KLF12: variants seen among roughly 807,000 people sequenced by gnomAD.
KLF12 encodes Krueppel-like factor 12.
A neutral mutation model predicts 37.8 loss-of-function variants in KLF12; 9 were observed. That is an observed-to-expected ratio of 0.24 (90% CI 0.14 to 0.42). The LOEUF (loss-of-function observed/expected upper bound fraction) is 0.42. KLF12 is among the 10% of genes least tolerant of loss of function. KLF12 has a pLI of 1.00. For synonymous variants in KLF12, 208 were observed against 202.1 expected (o/e 1.03, Z -0.25); for missense variants, 411 against 516.0 (o/e 0.80, Z 1.97).
the KLF12 span, among the ~76,000 whole-genome samples, chr13:74,232,891 A>ATTT: frequency 7.1e-6 from 1 of 141,288 alleles, no homozygotes; most frequent in Non-Finnish European, 1.5e-5. Context: ...ATTTATTATT[A>ATTT]TTATTATTTT....
At chr13:74,018,973 C>A (rs1290995708) in intron 1 of KLF12, among the ~76,000 whole-genome samples, 2 of 152,132 alleles carry the variant, frequency 1.3e-5, no homozygotes, top group Non-Finnish European at 1.5e-5. Context: ...CGATATCAGG[C>A]ATGCTTTATT....
In KLF12 at chr13:73,691,628, T is replaced by C. The variant is rs2137525144; in HGVS notation, c.*3862A>G. The C allele has an allele frequency of 6.5e-6, 1 of 152,752 alleles. No individual in the cohort carries two copies. Among genetic ancestry groups the C allele is most frequent in the Middle Eastern group, 3.4e-3 (1 of 294 alleles). 9.5% of individuals were successfully genotyped at this position (152,752 alleles called of 1,614,324 possible). ...TTTAGAACAACATCATGGCTACATT[T>C]CTAAGCAGTCATAACAACATAACAA... On this transcript the variant is annotated 3_prime_UTR_variant, in exon 8 of 8. Transcript: ENST00000377669.
intron 6 of KLF12, among the ~76,000 whole-genome samples, chr13:73,764,211 G>GT (rs1329712282): frequency 7.2e-5 from 11 of 151,750 alleles, no homozygotes; most frequent in Non-Finnish European, 1.3e-4. Flanking sequence ...TTTCTTTTTA[G>GT]TTTTTCTTTT....
intron 1 of KLF12, among the ~76,000 whole-genome samples, chr13:74,128,903 T>C (rs1448675775): frequency 6.6e-6 from 1 of 152,168 alleles, no homozygotes; most frequent in Non-Finnish European, 1.5e-5. Flanking sequence ...CTTGCTCTTG[T>C]GTATGGTGTG....
At chr13:74,208,036 A>G in the KLF12 span, among the ~76,000 whole-genome samples, 4 of 152,232 alleles carry the variant, frequency 2.6e-5, no homozygotes, top group South Asian at 8.3e-4. Context: ...AGGATGAAGA[A>G]TTTACAGAAT....
chr13:73,842,738 TTGCTCATGCATAC>T (rs1884805623), intron 4 of KLF12, among the ~76,000 whole-genome samples: 1 of 152,230 alleles, frequency 6.6e-6, no homozygotes, highest in African/African-American at 2.4e-5. Flanking sequence ...GTATTTTCCT[TTGCTCATGCATAC>T]CAGAAATACA....
intron 1 of KLF12, among the ~76,000 whole-genome samples, chr13:74,013,012 A>G (rs1892589222): frequency 6.6e-6 from 1 of 152,236 alleles, no homozygotes; most frequent in Non-Finnish European, 1.5e-5. Flanking sequence ...TAGAAAGAAT[A>G]CCCGCCTGGT....
At chr13:74,040,193 C>T (rs1893363887) in intron 1 of KLF12, among the ~76,000 whole-genome samples, 1 of 152,166 alleles carries the variant, frequency 6.6e-6, no homozygotes, top group South Asian at 2.1e-4. Flanking sequence ...TAGCCACAGA[C>T]TAAGGGAAAA....
At chr13:73,853,912 A>G (rs1218360711) in intron 3 of KLF12, among the ~76,000 whole-genome samples, 1 of 152,224 alleles carries the variant, frequency 6.6e-6, no homozygotes. Context: ...AGCTTGGAAT[A>G]TGGTGCTCAA....
the KLF12 span, among the ~76,000 whole-genome samples, chr13:74,296,499 T>A: frequency 1.3e-5 from 2 of 152,048 alleles, no homozygotes; most frequent in African/African-American, 4.8e-5. Context: ...CATCTTTGAG[T>A]GGTTGGAGAT....
chr13:74,100,207 C>T (rs943514542), intron 1 of KLF12, among the ~76,000 whole-genome samples: 5 of 152,088 alleles, frequency 3.3e-5, no homozygotes, highest in African/African-American at 1.2e-4. Context: ...ATAACAAGAG[C>T]CAGGCTTCTT....
intron 3 of KLF12, among the ~76,000 whole-genome samples, chr13:73,895,953 T>C (rs950935305): frequency 1.3e-5 from 2 of 152,032 alleles, no homozygotes; most frequent in African/African-American, 4.8e-5. Context: ...CCCTTGTAGC[T>C]GGGACTACAG....
At chr13:74,291,573 G>A in the KLF12 span, among the ~76,000 whole-genome samples, 1 of 152,178 alleles carries the variant, frequency 6.6e-6, no homozygotes, top group Non-Finnish European at 1.5e-5. Context: ...CCACAGGCAG[G>A]GCTGTATATT....
chr13:74,187,028 G>T, the KLF12 span, among the ~76,000 whole-genome samples: 1 of 152,176 alleles, frequency 6.6e-6, no homozygotes, highest in Non-Finnish European at 1.5e-5. Context: ...CACATAGAAG[G>T]TGCAACAAAT....
the KLF12 span, among the ~76,000 whole-genome samples, chr13:74,237,974 A>G: frequency 1.3e-5 from 2 of 150,886 alleles, no homozygotes; most frequent in Admixed American, 6.6e-5. Flanking sequence ...TTCCAACACT[A>G]TGTTGAATAG....
rs1349643991 is a variant in KLF12, at chr13:73,695,003, T to G, written c.*487A>C. 1 of 153,008 alleles carries G rather than the reference T, an allele frequency of 6.5e-6. No homozygotes were observed. The highest frequency in any genetic ancestry group is 2.4e-5 in the African/African-American group (1 of 41,454). The allele number at this position is 153,008 out of a possible 1,614,324, so 9.5% of individuals were successfully genotyped here. On this transcript the variant is annotated 3_prime_UTR_variant, in exon 8 of 8. Coordinates refer to ENST00000377669, the MANE Select transcript of KLF12 (RefSeq NM_007249.5). ...ATCTGCTTCTTCGTTTCTACTTTCA[T>G]GCTGCTTGCTGGTAACAGATTGGAT...
chr13:74,218,418 G>T, the KLF12 span, among the ~76,000 whole-genome samples: 1 of 152,128 alleles, frequency 6.6e-6, no homozygotes. Flanking sequence ...AAAAACAAAG[G>T]TAGATCCTTC....
At chr13:73,918,584 G>A (rs115291644) in intron 3 of KLF12, among the ~76,000 whole-genome samples, 1,993 of 152,264 alleles carry the variant, frequency 0.013, 36 homozygotes, top group African/African-American at 0.046. Context: ...TGTGATGTGA[G>A]CTAGATATAA....
the KLF12 span, among the ~76,000 whole-genome samples, chr13:74,266,623 G>A: frequency 1.3e-5 from 2 of 152,168 alleles, no homozygotes; most frequent in African/African-American, 2.4e-5. Flanking sequence ...GGATTCCTGT[G>A]ACTAATTAGT....
Sources: allele counts gnomAD v4.1 joint callset (sites outside exome capture counted in the v4.1 genomes callset), GRCh38; gene constraint gnomAD v4.1.1; transcripts MANE v1.5; gene names NCBI Gene and HGNC (gene_info 2026-07-23, HGNC 2026-07-21).